Variants in WIPI2 observed in about 807,000 individuals in gnomAD.
WIPI2 encodes WD repeat domain phosphoinositide-interacting protein 2.
In WIPI2, 28 loss-of-function variants were observed where a neutral mutation model predicts 52.3. The ratio of observed to expected loss-of-function variants is 0.54; its 90% confidence interval spans 0.40 to 0.73. The LOEUF (loss-of-function observed/expected upper bound fraction) is 0.73. Among genes scored for constraint, WIPI2 ranks in the 30% least tolerant of loss-of-function variants. The pLI, the probability that WIPI2 is intolerant of heterozygous loss-of-function variation, is 0.00. For synonymous variants in WIPI2, 268 were observed against 245.0 expected (o/e 1.09, Z -0.88); for missense variants, 506 against 602.9 (o/e 0.84, Z 1.68).
intron 3 of WIPI2, among the ~76,000 whole-genome samples, chr7:5,212,534 G>A (rs1214967043): frequency 6.6e-6 from 1 of 152,048 alleles, no homozygotes; most frequent in African/African-American, 2.4e-5. Flanking sequence ...CCTCCTTTTT[G>A]GGGCAGGACT....
chr7:5,203,912 C>G (rs1488233494), intron 3 of WIPI2, among the ~76,000 whole-genome samples: 3 of 152,170 alleles, frequency 2.0e-5, no homozygotes, highest in Non-Finnish European at 4.4e-5. Flanking sequence ...CGTGAGCCAC[C>G]ACACCCTGCC....
chr7:5,214,199 G>T (rs1341535928), intron 3 of WIPI2: 2 of 1,163,336 alleles, frequency 1.7e-6, no homozygotes, highest in Non-Finnish European at 2.2e-6. Context: ...TTAATTAAGG[G>T]AGCCCCTAGA....
At chr7:5,200,791 A>G (rs1469154870) in intron 3 of WIPI2, among the ~76,000 whole-genome samples, 1 of 152,018 alleles carries the variant, frequency 6.6e-6, no homozygotes, top group Non-Finnish European at 1.5e-5. Flanking sequence ...CCTCACCTCC[A>G]TCGGGGATGT....
chr7:5,197,118 C>CAAAAAAAAAAAAAAAAAAAAAAAAAAAA (rs869261081), intron 2 of WIPI2, among the ~76,000 whole-genome samples: 1 of 41,452 alleles, frequency 2.4e-5, no homozygotes. Flanking sequence ...TCTCAAAAAA[C>CAAAAAAAAAAAAAAAAAAAAAAAAAAAA]AAAAAAAAAA....
intron 3 of WIPI2, among the ~76,000 whole-genome samples, chr7:5,201,546 C>T (rs1376482440): frequency 1.3e-5 from 2 of 152,180 alleles, no homozygotes; most frequent in African/African-American, 2.4e-5. Flanking sequence ...GAGTTGAAGA[C>T]GAGCCTGGCC....
intron 2 of WIPI2, 34 bp downstream of exon 2, chr7:5,193,205 C>T (rs1441216496): frequency 4.3e-6 from 7 of 1,609,380 alleles, no homozygotes; most frequent in South Asian, 2.2e-5. Flanking sequence ...AAAGTATCAC[C>T]TTGGAAGGCT....
intron 6 of WIPI2, chr7:5,217,707 T>C (rs1206653057): frequency 5.2e-6 from 3 of 575,154 alleles, no homozygotes; most frequent in Non-Finnish European, 6.3e-6. Flanking sequence ...TGAAGGAACA[T>C]AGAAAACCTT....
At chr7:5,208,131 A>C (rs1276678963) in intron 3 of WIPI2, among the ~76,000 whole-genome samples, 1 of 152,148 alleles carries the variant, frequency 6.6e-6, no homozygotes, top group Non-Finnish European at 1.5e-5. Flanking sequence ...GTATAATGAT[A>C]ACTTCATGGT....
chr7:5,202,407 A>T (rs1257961700), intron 3 of WIPI2, among the ~76,000 whole-genome samples: 3 of 152,170 alleles, frequency 2.0e-5, no homozygotes, highest in Admixed American at 6.6e-5. Context: ...ATATGGGGAC[A>T]GAGTCTCGCT....
At chr7:5,219,454 T>A (rs1008863687) in intron 7 of WIPI2, among the ~76,000 whole-genome samples, 8 of 714 alleles carry the variant, frequency 0.011, no homozygotes, top group African/African-American at 0.04. Context: ...TAAAAATAGA[T>A]TTTTTTTTTT....
intron 1 of WIPI2, among the ~76,000 whole-genome samples, chr7:5,192,347 A>G (rs1264675842): frequency 6.6e-6 from 1 of 152,226 alleles, no homozygotes; most frequent in African/African-American, 2.4e-5. Flanking sequence ...TATGCCTTGT[A>G]TAAATTAGAG....
intron 3 of WIPI2, among the ~76,000 whole-genome samples, chr7:5,208,298 T>C (rs1423191958): frequency 6.6e-6 from 1 of 152,248 alleles, no homozygotes; most frequent in Non-Finnish European, 1.5e-5. Context: ...TAGAGCTCTT[T>C]AGATATTCTG....
Position 5,203,625 on chromosome 7 carries a change from CTTTTTTTTTTT to C in WIPI2, c.211+3982_211+3992del, listed in dbSNP as rs10709311. On this transcript the variant is annotated intron_variant, in intron 3 of 12. Coordinates refer to ENST00000288828, the MANE Select transcript of WIPI2 (RefSeq NM_015610.4). Reference sequence around the variant, plus strand: ...GAAGTCACTAAAGTTTACGTTCAGCCTTTTTTTTTTTTTTTTTTTTTTTTTGAGACGGAGTG... The same window carrying C: ...GAAGTCACTAAAGTTTACGTTCAGCCTTTTTTTTTTTTTTGAGACGGAGTG... Among the ~76,000 whole-genome samples the C allele has an allele frequency of 4.5e-5, 3 of 66,386 alleles. No individual in the cohort carries two copies. The South Asian group carries it at 2.0e-3, about 44-fold the overall frequency. 43.6% of individuals were successfully genotyped at this position (66,386 alleles called of 152,430 possible). A position where few individuals can be genotyped will look rare whatever the true frequency, so the allele number is the denominator to read the frequency against.
intron 3 of WIPI2, among the ~76,000 whole-genome samples, chr7:5,210,124 G>A (rs1199803315): frequency 6.6e-6 from 1 of 151,968 alleles, no homozygotes; most frequent in Non-Finnish European, 1.5e-5. Flanking sequence ...GGCCAGGCTG[G>A]CCTCGAACGC....
Position 5,190,270 on chromosome 7 carries a change from G to T in WIPI2, c.-150G>T, listed in dbSNP as rs956234042. On this transcript the variant is annotated 5_prime_UTR_variant, in exon 1 of 13. Transcript: ENST00000288828. Reference sequence around the variant, plus strand: ...CCGGCTCTGGAGCATAAACAAGAGCGGGGACGGGATGAGGCGGCGGTTGAT... The same window carrying T: ...CCGGCTCTGGAGCATAAACAAGAGCTGGGACGGGATGAGGCGGCGGTTGAT... 5.2e-6 allele frequency: 2 copies of T among 383,774 alleles called. No individual in the cohort carries two copies. The highest frequency in any genetic ancestry group is 2.1e-5 in the African/African-American group (1 of 46,634). 23.8% of individuals were successfully genotyped at this position (383,774 alleles called of 1,614,324 possible).
chr7:5,204,483 A>G (rs1305801664), intron 3 of WIPI2, among the ~76,000 whole-genome samples: 4 of 152,154 alleles, frequency 2.6e-5, no homozygotes, highest in Non-Finnish European at 5.9e-5. Flanking sequence ...GTTCATCTGT[A>G]TGTGAAGTGT....
rs189540804 is a variant in WIPI2, at chr7:5,213,936, C to T, written c.212-599C>T. 3.4e-3 allele frequency among the ~76,000 whole-genome samples: 518 copies of T among 152,326 alleles called. 5 individuals are homozygous for T. The Middle Eastern group carries it at 0.037, about 11-fold the overall frequency. On this transcript the variant is annotated intron_variant, in intron 3 of 12. Coordinates refer to ENST00000288828, the MANE Select transcript of WIPI2 (RefSeq NM_015610.4). ...TCCCGACCTTGTGATCCACCCACCT[C>T]GGCCTCCCAAAGTGCTGGGATTACA...
In WIPI2 at chr7:5,191,123, G is replaced by A. The variant is rs550604420; in HGVS notation, c.74+630G>A. Among the ~76,000 whole-genome samples the A allele has an allele frequency of 2.6e-5, 4 of 152,158 alleles. 2 individuals carry two copies. The highest frequency in any genetic ancestry group is 9.6e-5 in the African/African-American group (4 of 41,532). On this transcript the variant is annotated intron_variant, in intron 1 of 12. Coordinates refer to ENST00000288828, the MANE Select transcript of WIPI2 (RefSeq NM_015610.4). ...CAACCTCCGCCTCCTGGGTTCAAGCGATTCTCCTGCCTCAGCCTCCCGAGT... is the reference window on the plus strand; with the variant it reads ...CAACCTCCGCCTCCTGGGTTCAAGCAATTCTCCTGCCTCAGCCTCCCGAGT...
chr7:5,210,973 G>A (rs1416924611), intron 3 of WIPI2, among the ~76,000 whole-genome samples: 2 of 152,176 alleles, frequency 1.3e-5, no homozygotes, highest in East Asian at 3.8e-4. Context: ...ATCCCAGGCT[G>A]CTTGTGCTTA....
Sources: gnomAD v4.1 joint callset for allele counts (sites outside exome capture counted in the v4.1 genomes callset) on GRCh38, gnomAD v4.1.1 for gene constraint, MANE v1.5 for transcripts, NCBI Gene and HGNC (gene_info 2026-07-23, HGNC 2026-07-21) for gene names.